The following NEGR1 variants were observed in gnomAD, a reference collection of about 807,000 sequenced individuals.
The protein encoded by NEGR1 is IgLON family member 4.
A neutral mutation model predicts 40.9 loss-of-function variants in NEGR1; 10 were observed. The observed-to-expected ratio is 0.24, with a 90% CI of 0.15 to 0.42. The LOEUF (loss-of-function observed/expected upper bound fraction) is 0.42, where lower values mean the gene tolerates loss of function less well. NEGR1 is among the 10% of genes least tolerant of loss of function. NEGR1 has a pLI of 1.00. For missense variants in NEGR1, 352 were observed against 438.9 expected (o/e 0.80, Z 1.77); for synonymous variants, 185 against 166.8 (o/e 1.11, Z -0.84).
At chr1:71,692,844 C>CA (rs1361552152) in intron 4 of NEGR1, among the ~76,000 whole-genome samples, 1 of 151,700 alleles carries the variant, frequency 6.6e-6, no homozygotes, top group Non-Finnish European at 1.5e-5. Context: ...ACAGCACACC[C>CA]AAAAATGACT....
At chr1:71,469,000 C>T (rs749282700) in intron 6 of NEGR1, among the ~76,000 whole-genome samples, 14 of 151,858 alleles carry the variant, frequency 9.2e-5, no homozygotes, top group African/African-American at 1.5e-4. Flanking sequence ...TAAAAACTGC[C>T]GCTAACCTGA....
chr1:71,596,354 G>T (rs1404810162), intron 5 of NEGR1, among the ~76,000 whole-genome samples: 1 of 152,164 alleles, frequency 6.6e-6, no homozygotes, highest in Admixed American at 6.5e-5. Context: ...TATTTGCTTT[G>T]CTAGCCAAGG....
chr1:71,952,730 G>T (rs1646082604), intron 1 of NEGR1, among the ~76,000 whole-genome samples: 1 of 151,870 alleles, frequency 6.6e-6, no homozygotes, highest in South Asian at 2.1e-4. Flanking sequence ...TGGTTTCAAA[G>T]ACTCAAAGGA....
intron 1 of NEGR1, among the ~76,000 whole-genome samples, chr1:72,241,727 T>C (rs370882700): frequency 6.6e-6 from 1 of 151,552 alleles, no homozygotes; most frequent in Admixed American, 6.6e-5. Context: ...TTCCTTCAAC[T>C]TCTTTTTTTT....
intron 1 of NEGR1, among the ~76,000 whole-genome samples, chr1:71,952,963 A>G (rs1429986991): frequency 6.6e-6 from 1 of 151,696 alleles, no homozygotes; most frequent in Admixed American, 6.6e-5. Flanking sequence ...TCAGGAAAAA[A>G]AAAAAAAAAA....
In NEGR1 at chr1:71,405,332, T is replaced by A. The variant is rs1318561824; in HGVS notation, c.*2114A>T. ...GTTTCTTTCTCCCAAACAATGGTAC[T>A]GATGGTTAACATTTTTTGTGGTAGC... On this transcript the variant is annotated 3_prime_UTR_variant, in exon 7 of 7. Transcript: ENST00000357731. 1.3e-5 allele frequency: 2 copies of A among 152,318 alleles called. No individual in the cohort carries two copies. The highest frequency in any genetic ancestry group is 3.0e-5 in the Non-Finnish European group (2 of 67,786). 9.4% of individuals were successfully genotyped at this position (152,318 alleles called of 1,614,324 possible).
intron 2 of NEGR1, among the ~76,000 whole-genome samples, chr1:71,850,988 A>G (rs2101812657): frequency 6.6e-6 from 1 of 152,244 alleles, no homozygotes; most frequent in South Asian, 2.1e-4. Context: ...GACTACCTGT[A>G]TTTATCAAAA....
At chr1:71,694,251 G>C (rs1006643818) in intron 4 of NEGR1, among the ~76,000 whole-genome samples, 1 of 151,488 alleles carries the variant, frequency 6.6e-6, no homozygotes, top group Non-Finnish European at 1.5e-5. Context: ...TTTCTCGTGT[G>C]TGTGTGTGTG....
chr1:71,888,392 T>C (rs2101850950), intron 2 of NEGR1, among the ~76,000 whole-genome samples: 1 of 152,050 alleles, frequency 6.6e-6, no homozygotes, highest in East Asian at 2.0e-4. Context: ...GGGCGAGGCA[T>C]TGCCTCACCT....
intron 1 of NEGR1, among the ~76,000 whole-genome samples, chr1:72,111,413 C>T (rs1405114468): frequency 6.6e-6 from 1 of 151,540 alleles, no homozygotes; most frequent in Non-Finnish European, 1.5e-5. Context: ...TTGTTTTTCT[C>T]TTCTCAAAGC....
chr1:71,774,350 T>G (rs536762789), intron 3 of NEGR1, among the ~76,000 whole-genome samples: 1 of 152,326 alleles, frequency 6.6e-6, no homozygotes, highest in Non-Finnish European at 1.5e-5. Context: ...TTTATGATTT[T>G]TCAGTGGTTC....
At chr1:71,806,189 T>C (rs557439537) in intron 2 of NEGR1, among the ~76,000 whole-genome samples, 52 of 152,156 alleles carry the variant, frequency 3.4e-4, no homozygotes, top group Non-Finnish European at 5.3e-4. Context: ...CAACTGTTGA[T>C]TTGGTCTGGC....
intron 1 of NEGR1, among the ~76,000 whole-genome samples, chr1:72,244,052 C>A (rs1654829158): frequency 6.6e-6 from 1 of 151,872 alleles, no homozygotes; most frequent in South Asian, 2.1e-4. Flanking sequence ...AGTTCCTGAT[C>A]CACAGTTAAT....
chr1:71,963,113 C>T (rs192689954), intron 1 of NEGR1, among the ~76,000 whole-genome samples: 4 of 151,866 alleles, frequency 2.6e-5, no homozygotes, highest in African/African-American at 7.2e-5. Context: ...AAGTTGTTAA[C>T]AGAAATAGGG....
At chr1:71,520,529 T>C (rs1647148880) in intron 6 of NEGR1, among the ~76,000 whole-genome samples, 2 of 152,128 alleles carry the variant, frequency 1.3e-5, no homozygotes, top group Non-Finnish European at 2.9e-5. Flanking sequence ...TGGACTAATA[T>C]ATACATTCTT....
At chr1:72,096,833 T>C (rs995899141) in intron 1 of NEGR1, among the ~76,000 whole-genome samples, 4 of 152,016 alleles carry the variant, frequency 2.6e-5, no homozygotes, top group African/African-American at 9.6e-5. Flanking sequence ...GCTATTTTTT[T>C]GTATTTTTTG....
chr1:71,660,722 T>G (rs1032167928), intron 4 of NEGR1, among the ~76,000 whole-genome samples: 1 of 152,098 alleles, frequency 6.6e-6, no homozygotes, highest in Non-Finnish European at 1.5e-5. Flanking sequence ...TTATTAAACT[T>G]TAAGTTCTGG....
At chr1:72,152,484 G>C (rs187312793) in intron 1 of NEGR1, among the ~76,000 whole-genome samples, 2 of 152,066 alleles carry the variant, frequency 1.3e-5, no homozygotes, top group East Asian at 1.9e-4. Context: ...AAGAGTTGTT[G>C]TTGATAAAGC....
At chr1:71,941,423 G>A (rs1247600890) in intron 1 of NEGR1, among the ~76,000 whole-genome samples, 1 of 151,918 alleles carries the variant, frequency 6.6e-6, no homozygotes, top group Non-Finnish European at 1.5e-5. Flanking sequence ...AAATTGTATG[G>A]TTATATAAAT....
Sources: allele counts gnomAD v4.1 joint callset (sites outside exome capture counted in the v4.1 genomes callset), GRCh38; gene constraint gnomAD v4.1.1; transcripts MANE v1.5; gene names NCBI Gene and HGNC (gene_info 2026-07-23, HGNC 2026-07-21).